Variants in VWA3B observed in about 807,000 individuals in gnomAD.
VWA3B encodes the protein von Willebrand factor A domain containing 3B, also known as von Willebrand factor A domain-containing protein 3B.
Under a neutral mutation model 158.3 loss-of-function variants are expected in VWA3B, and 138 were observed. That is an observed-to-expected ratio of 0.87 (90% CI 0.76 to 1.00). The LOEUF is 1.00. Ranked by LOEUF, VWA3B falls within the 50% of genes least tolerant of loss-of-function variation. VWA3B has a pLI of 0.00. For missense variants in VWA3B, 1,555 were observed against 1,565.1 expected, an observed-to-expected ratio of 0.99 and a Z score of 0.11; for synonymous variants, 596 against 587.3, an observed-to-expected ratio of 1.01 and a Z score of -0.21.
intron 7 of VWA3B, among the ~76,000 whole-genome samples, chr2:98,160,833 A>G (rs941488263): frequency 3.3e-5 from 5 of 152,206 alleles, no homozygotes; most frequent in Admixed American, 6.5e-5. Flanking sequence ...CCACAGAGCC[A>G]TGGTAGCCGT....
chr2:98,318,840 T>G, the VWA3B span, among the ~76,000 whole-genome samples: 97 of 152,336 alleles, frequency 6.4e-4, 1 homozygote, highest in African/African-American at 2.2e-3. Flanking sequence ...TATCTACCTA[T>G]CTATATATCT....
chr2:98,138,730 G>A (rs1316605662), intron 7 of VWA3B, among the ~76,000 whole-genome samples: 1 of 152,178 alleles, frequency 6.6e-6, no homozygotes, highest in Non-Finnish European at 1.5e-5. Context: ...CAGCTACTTG[G>A]CTGGGTGGTC....
chr2:98,228,158 C>G, intron 14 of VWA3B, 44 bp from the exon 15 acceptor site: 1 of 1,555,050 alleles, frequency 6.4e-7, no homozygotes, highest in Non-Finnish European at 8.7e-7. Flanking sequence ...AATTTGAGCT[C>G]TTTTTATCTA....
At position 98,115,679 on chromosome 2, in the gene VWA3B, TG is replaced by T. The variant is rs774426781; in HGVS notation, c.226del (p.Ala76LeufsTer23). The T allele has an allele frequency of 6.2e-7, 1 of 1,613,986 alleles. No individual in the cohort carries two copies. Among genetic ancestry groups the T allele is most frequent in the South Asian group, 1.1e-5 (1 of 91,082 alleles). ...EDYVASLGRP[V>X]ASRYADGLFP... ...TATGTGGCGTCTCTGGGGAGACCTG[TG>T]GCTTCTCGGTATGCTGATGGTCTGT... On this transcript the variant is annotated frameshift_variant, in exon 3 of 28. Coordinates refer to ENST00000477737, the MANE Select transcript of VWA3B (RefSeq NM_144992.5). LOFTEE classifies it high-confidence loss of function.
chr2:98,095,642 A>G (rs1682656786), intron 2 of VWA3B, among the ~76,000 whole-genome samples: 1 of 152,190 alleles, frequency 6.6e-6, no homozygotes, highest in South Asian at 2.1e-4. Flanking sequence ...CCTTGGCTAG[A>G]ACTTCTAGTA....
intron 10 of VWA3B, 130 bp downstream of exon 10, chr2:98,188,259 G>A: frequency 8.1e-7 from 1 of 1,230,214 alleles, no homozygotes; most frequent in South Asian, 1.6e-5. Flanking sequence ...GATACAGAGT[G>A]ATATTTAGGT....
intron 16 of VWA3B, among the ~76,000 whole-genome samples, chr2:98,232,155 A>G (rs1015361638): frequency 6.6e-6 from 1 of 152,134 alleles, no homozygotes; most frequent in Admixed American, 6.5e-5. Flanking sequence ...GATGAATGCA[A>G]TTTCTGTAAT....
chr2:98,238,521 A>G (rs1685859281), intron 19 of VWA3B, among the ~76,000 whole-genome samples: 1 of 152,212 alleles, frequency 6.6e-6, no homozygotes, highest in African/African-American at 2.4e-5. Context: ...TCTTGGGCTT[A>G]TTATGCCTCC....
intron 7 of VWA3B, among the ~76,000 whole-genome samples, chr2:98,148,448 G>A (rs1484872328): frequency 6.6e-6 from 1 of 152,130 alleles, no homozygotes; most frequent in African/African-American, 2.4e-5. Context: ...ACAGTCTTTG[G>A]TGTATTACAT....
chr2:98,261,352 A>C (rs1250678621), intron 21 of VWA3B, among the ~76,000 whole-genome samples: 2 of 151,874 alleles, frequency 1.3e-5, no homozygotes, highest in African/African-American at 2.4e-5. Flanking sequence ...TATCATTTAC[A>C]TTGTGTGCCC....
At chr2:98,265,788 T>A (rs1477644247) in intron 21 of VWA3B, among the ~76,000 whole-genome samples, 2,579 of 115,100 alleles carry the variant, frequency 0.022, no homozygotes, top group East Asian at 0.062. Context: ...ATTTCTCTGA[T>A]GGCCAGTGAT....
chr2:98,146,178 C>T (rs560158550), intron 7 of VWA3B, among the ~76,000 whole-genome samples: 3 of 152,082 alleles, frequency 2.0e-5, no homozygotes, highest in African/African-American at 4.8e-5. Context: ...AATGTTGGAT[C>T]GTAATTGTAA....
At chr2:98,324,204 G>A in the VWA3B span, among the ~76,000 whole-genome samples, 3 of 151,416 alleles carry the variant, frequency 2.0e-5, no homozygotes, top group East Asian at 1.9e-4. Flanking sequence ...GCTCTGTCAC[G>A]TAGGTTGGAG....
chr2:98,145,507 A>G (rs1677109884), intron 7 of VWA3B, among the ~76,000 whole-genome samples: 1 of 152,210 alleles, frequency 6.6e-6, no homozygotes, highest in African/African-American at 2.4e-5. Context: ...TAACCATTGC[A>G]TTATGCTGGT....
At chr2:98,325,706 A>C in the VWA3B span, among the ~76,000 whole-genome samples, 2 of 152,224 alleles carry the variant, frequency 1.3e-5, no homozygotes, top group Non-Finnish European at 2.9e-5. Flanking sequence ...ACTATGGCAC[A>C]AATAGGAACA....
At chr2:98,295,012 G>A (rs1004599157) in intron 23 of VWA3B, among the ~76,000 whole-genome samples, 1 of 152,150 alleles carries the variant, frequency 6.6e-6, no homozygotes, top group African/African-American at 2.4e-5. Context: ...CTTAGGAGTA[G>A]GGATAAACAC....
chr2:98,197,637 C>T (rs1682167124), intron 12 of VWA3B, among the ~76,000 whole-genome samples: 1 of 152,178 alleles, frequency 6.6e-6, no homozygotes, highest in Non-Finnish European at 1.5e-5. Context: ...AATGTGGACT[C>T]ATGGAAATTT....
intron 5 of VWA3B, 78 bp from the exon 6 acceptor site, chr2:98,128,161 G>C: frequency 6.6e-7 from 1 of 1,508,508 alleles, no homozygotes; most frequent in Non-Finnish European, 9.0e-7. Context: ...TCGTTTTGTA[G>C]AATGGGTATT....
At chr2:98,124,745 A>G (rs1675225329) in intron 5 of VWA3B, among the ~76,000 whole-genome samples, 1 of 152,214 alleles carries the variant, frequency 6.6e-6, no homozygotes, top group African/African-American at 2.4e-5. Flanking sequence ...GGATGAGAGC[A>G]CAGGCTCTGG....
Sources: allele counts gnomAD v4.1 joint callset (sites outside exome capture counted in the v4.1 genomes callset), GRCh38; gene constraint gnomAD v4.1.1; transcripts MANE v1.5; gene names NCBI Gene and HGNC (gene_info 2026-07-23, HGNC 2026-07-21).